KCTD3: variants seen among roughly 807,000 people sequenced by gnomAD.
KCTD3 encodes BTB/POZ domain-containing protein KCTD3.
A neutral mutation model predicts 85.8 loss-of-function variants in KCTD3; 41 were observed. The observed-to-expected ratio is 0.48, with a 90% CI of 0.37 to 0.62. KCTD3 has a LOEUF of 0.62. Among genes scored for constraint, KCTD3 ranks in the 20% least tolerant of loss-of-function variants. The pLI, the probability that KCTD3 is intolerant of heterozygous loss-of-function variation, is 0.00. For missense variants in KCTD3, 724 were observed against 989.9 expected, an observed-to-expected ratio of 0.73 and a Z score of 3.60; for synonymous variants, 338 against 345.4, an observed-to-expected ratio of 0.98 and a Z score of 0.24.
intron 1 of KCTD3, among the ~76,000 whole-genome samples, chr1:215,568,901 T>A (rs1056059098): frequency 2.6e-5 from 4 of 152,072 alleles, no homozygotes; most frequent in African/African-American, 7.2e-5. Context: ...TGCAGTTGTA[T>A]AGAAACCAGT....
Position 215,601,900 on chromosome 1 carries a change from A to C in KCTD3, c.967A>C (p.Thr323Pro). The change falls in exon 11 of 18, where the codon ACT (threonine) becomes CCT (proline). Residue 323 changes from threonine to proline, a missense_variant. This residue lies in a region of KCTD3 where 146 missense variants were observed against 320.3 expected (regional missense o/e 0.46). Transcript: ENST00000259154. Reference protein sequence around the residue: ...QDVVPITSYDTAGSFLLLGCN... With the variant: ...QDVVPITSYDPAGSFLLLGCN... ...TGTTGTTCCTATAACTAGTTATGAC[A>C]CTGCTGGATCATTCCTTCTGCTTGG... is the stretch of plus-strand genomic sequence containing the variant. 1 of 1,602,658 alleles carries C rather than the reference A, an allele frequency of 6.2e-7. No individual in the cohort carries two copies.
chr1:215,579,926 C>T lies in KCTD3; in HGVS notation c.553C>T (p.Arg185Ter). The stretch of plus-strand genomic sequence containing the variant: ...ATCAACAGGATTTCCTGTGGATCCA[C>T]GAAAGGTGCTAATAGTAGCTGGCCA... ...TVRLGFPVDP[R>*]KVLIVAGHHN... Residue 185 changes from arginine (R) to a stop codon, truncating the protein, a stop_gained, in exon 8 of 18, where the codon CGA becomes TGA. Transcript: ENST00000259154. LOFTEE classifies it high-confidence loss of function. 5.0e-6 allele frequency: 8 copies of T among 1,612,832 alleles called. No individual in the cohort carries two copies. The highest frequency in any genetic ancestry group is 2.2e-5 in the East Asian group (1 of 44,870).
intron 9 of KCTD3, among the ~76,000 whole-genome samples, chr1:215,593,773 A>G (rs1353712596): frequency 6.6e-6 from 1 of 152,124 alleles, no homozygotes; most frequent in Admixed American, 6.5e-5. Flanking sequence ...ATTTCCCAGC[A>G]TTATTAGATA....
At chr1:215,589,112 A>G (rs1660123814) in intron 9 of KCTD3, among the ~76,000 whole-genome samples, 1 of 152,080 alleles carries the variant, frequency 6.6e-6, no homozygotes, top group Non-Finnish European at 1.5e-5. Flanking sequence ...CTTTATTTAA[A>G]ATACTTAATT....
Position 215,620,554 on chromosome 1 carries a change from C to T in KCTD3, c.2384C>T (p.Thr795Ile). 6.2e-7 allele frequency: 1 copy of T among 1,613,562 alleles called. No homozygotes were observed. Among genetic ancestry groups the T allele is most frequent in the African/African-American group, 1.3e-5 (1 of 75,030 alleles). Residue 795 changes from threonine (T) to isoleucine (I), a missense_variant, in exon 18 of 18, where the codon ACA becomes ATA. Around this residue, in one of 6 missense-constraint regions of KCTD3, gnomAD observed 222 missense variants for 217.7 expected, o/e 1.02. Coordinates refer to ENST00000259154, the MANE Select transcript of KCTD3 (RefSeq NM_016121.5). ...CCTGGTACTGCGTCCCCATCTCCTACAAAGACTACTCCATCTCCTCGGCAT... is the reference window on the plus strand; with the variant it reads ...CCTGGTACTGCGTCCCCATCTCCTATAAAGACTACTCCATCTCCTCGGCAT... ...DSPGTASPSP[T>I]KTTPSPRHKK...
chr1:215,586,441 C>A, intron 8 of KCTD3, 54 bp from the exon 9 acceptor site: 1 of 1,390,900 alleles, frequency 7.2e-7, no homozygotes, highest in Admixed American at 2.1e-5. Flanking sequence ...GATGTGTATT[C>A]CGTTTGCTTC....
At chr1:215,592,673 C>A (rs1234823254) in intron 9 of KCTD3, among the ~76,000 whole-genome samples, 1 of 152,088 alleles carries the variant, frequency 6.6e-6, no homozygotes, top group Non-Finnish European at 1.5e-5. Flanking sequence ...TTTGTTCATG[C>A]CCTGTAAAAG....
Position 215,620,651 on chromosome 1 carries a change from AT to A in KCTD3, c.*36del, listed in dbSNP as rs1460146410. 2.8e-6 allele frequency: 4 copies of A among 1,427,782 alleles called. No individual in the cohort carries two copies. Among genetic ancestry groups the A allele is most frequent in the Non-Finnish European group, 3.8e-6 (4 of 1,051,068 alleles). The allele number at this position is 1,427,782 out of a possible 1,614,324, so 88.4% of individuals were successfully genotyped here. On this transcript the variant is annotated 3_prime_UTR_variant, in exon 18 of 18. Coordinates refer to ENST00000259154, the MANE Select transcript of KCTD3 (RefSeq NM_016121.5). ...CCAAAATGAATAGTTGTTTCGTTAC[AT>A]TTAGATGAAAGTTAAACTTTACTGA...
At chr1:215,609,741 C>G (rs1478669486) in intron 14 of KCTD3, among the ~76,000 whole-genome samples, 1 of 151,708 alleles carries the variant, frequency 6.6e-6, no homozygotes, top group Non-Finnish European at 1.5e-5. Flanking sequence ...GTATTATTTA[C>G]TAAATAAAGA....
At chr1:215,602,583 A>C (rs1484235159) in intron 12 of KCTD3, among the ~76,000 whole-genome samples, 1 of 152,172 alleles carries the variant, frequency 6.6e-6, no homozygotes, top group African/African-American at 2.4e-5. Flanking sequence ...CTACTGCTGG[A>C]AACTAAGCTT....
intron 13 of KCTD3, 48 bp downstream of exon 13, chr1:215,604,350 T>C: frequency 6.9e-7 from 1 of 1,451,050 alleles, no homozygotes; most frequent in Non-Finnish European, 9.5e-7. Context: ...CTGTGTGTTA[T>C]TTTCATTAAA....
chr1:215,587,198 C>T (rs914698133), intron 9 of KCTD3, among the ~76,000 whole-genome samples: 1 of 150,700 alleles, frequency 6.6e-6, no homozygotes, highest in Admixed American at 6.6e-5. Context: ...GGCATGATCT[C>T]AGCTCACTGC....
chr1:215,575,449 G>T (rs1365545240), intron 3 of KCTD3, among the ~76,000 whole-genome samples: 4 of 152,110 alleles, frequency 2.6e-5, no homozygotes, highest in Non-Finnish European at 5.9e-5. Context: ...GCAGTGTGCA[G>T]TATTTACTTT....
intron 9 of KCTD3, among the ~76,000 whole-genome samples, chr1:215,588,463 A>C (rs1179178430): frequency 6.6e-6 from 1 of 151,818 alleles, no homozygotes; most frequent in African/African-American, 2.4e-5. Flanking sequence ...TATGTTCTTG[A>C]AAGTCTATGG....
chr1:215,581,073 C>T (rs1307582309), intron 8 of KCTD3: 9 of 392,920 alleles, frequency 2.3e-5, no homozygotes, highest in Admixed American at 1.3e-4. Flanking sequence ...TGGTGAAACC[C>T]CATCTCTACT....
chr1:215,572,266 A>G (rs1319799785), intron 1 of KCTD3, among the ~76,000 whole-genome samples: 1 of 152,256 alleles, frequency 6.6e-6, no homozygotes, highest in African/African-American at 2.4e-5. Context: ...GGTGTGTGCT[A>G]GGTGCTAAGA....
At chr1:215,598,775 C>T (rs1654711837) in intron 10 of KCTD3, among the ~76,000 whole-genome samples, 2 of 151,940 alleles carry the variant, frequency 1.3e-5, no homozygotes, top group African/African-American at 4.8e-5. Context: ...ACAGACACGT[C>T]TGAGAAAATC....
intron 14 of KCTD3, among the ~76,000 whole-genome samples, chr1:215,611,174 A>T (rs1009832423): frequency 3.3e-5 from 5 of 152,060 alleles, no homozygotes; most frequent in African/African-American, 1.2e-4. Flanking sequence ...CAAATACAAT[A>T]AAGTGAAAAT....
chr1:215,567,846 C>T (rs947727259), intron 1 of KCTD3, 78 bp downstream of exon 1: 3 of 1,014,504 alleles, frequency 3.0e-6, no homozygotes, highest in East Asian at 3.3e-5. Context: ...GACCGAGAGT[C>T]GCAGGAACGA....
Sources: allele counts gnomAD v4.1 joint callset (sites outside exome capture counted in the v4.1 genomes callset), GRCh38; gene constraint gnomAD v4.1.1; regional missense constraint gnomAD v4.1.1; transcripts MANE v1.5; gene names NCBI Gene and HGNC (gene_info 2026-07-23, HGNC 2026-07-21).